RAPH1: variants seen among roughly 807,000 people sequenced by gnomAD.
RAPH1 encodes the protein ras-associated and pleckstrin homology domains-containing protein 1.
Under a neutral mutation model 88.1 loss-of-function variants are expected in RAPH1, and 18 were observed. That is an observed-to-expected ratio of 0.20 (90% confidence interval 0.14 to 0.30). The LOEUF is 0.30. Ranked by LOEUF, RAPH1 falls within the 10% of genes least tolerant of loss-of-function variation. RAPH1 has a pLI of 1.00. For synonymous variants in RAPH1, 587 were observed against 559.0 expected (o/e 1.05, Z -0.71); for missense variants, 1,448 against 1,543.2 (o/e 0.94, Z 1.03).
chr2:203,488,595 A>AAAAAAC (rs1688092098), intron 4 of RAPH1, among the ~76,000 whole-genome samples: 2 of 142,938 alleles, frequency 1.4e-5, no homozygotes, highest in Non-Finnish European at 3.0e-5. Context: ...TATTAAAAAA[A>AAAAAAC]AAAAAAAAAA....
chr2:203,525,494 T>G (rs1690073741), intron 1 of RAPH1, among the ~76,000 whole-genome samples: 1 of 151,828 alleles, frequency 6.6e-6, no homozygotes, highest in Non-Finnish European at 1.5e-5. Flanking sequence ...TATTAACATA[T>G]TCATACAATT....
At chr2:203,476,398 T>C (rs1687453280) in intron 4 of RAPH1, among the ~76,000 whole-genome samples, 1 of 152,168 alleles carries the variant, frequency 6.6e-6, no homozygotes, top group African/African-American at 2.4e-5. Context: ...CTTGAACTCC[T>C]GGCCTCAAGT....
chr2:203,446,589 T>C (rs1324968597), intron 12 of RAPH1: 1 of 152,224 alleles, frequency 6.6e-6, no homozygotes, highest in African/African-American at 2.4e-5. Flanking sequence ...CATTTATTTA[T>C]TCAATGATTT....
At chr2:203,527,659 G>C (rs1298075255) in intron 1 of RAPH1, among the ~76,000 whole-genome samples, 2 of 151,908 alleles carry the variant, frequency 1.3e-5, no homozygotes, top group African/African-American at 4.8e-5. Context: ...AATTAGCCGG[G>C]CGTGTTGGCG....
intron 4 of RAPH1, among the ~76,000 whole-genome samples, chr2:203,476,705 C>T (rs1687472405): frequency 6.6e-6 from 1 of 152,148 alleles, no homozygotes; most frequent in African/African-American, 2.4e-5. Flanking sequence ...AGAAACTAGG[C>T]TTTCAGTTAA....
At chr2:203,468,396 C>A (rs1414297508) in intron 4 of RAPH1, among the ~76,000 whole-genome samples, 1 of 152,108 alleles carries the variant, frequency 6.6e-6, no homozygotes, top group Non-Finnish European at 1.5e-5. Flanking sequence ...TTTTCCTTGA[C>A]TTATGTACAT....
At chr2:203,491,893 T>C (rs1688284083) in intron 2 of RAPH1, among the ~76,000 whole-genome samples, 1 of 152,216 alleles carries the variant, frequency 6.6e-6, no homozygotes, top group Non-Finnish European at 1.5e-5. Context: ...ACTGACTTCA[T>C]TTTATATACA....
At chr2:203,469,301 A>C (rs1436086853) in intron 4 of RAPH1, among the ~76,000 whole-genome samples, 1 of 152,206 alleles carries the variant, frequency 6.6e-6, no homozygotes, top group East Asian at 1.9e-4. Context: ...TGATCTTTAA[A>C]TTTCTACCAC....
chr2:203,504,329 T>C (rs928978637), intron 1 of RAPH1, among the ~76,000 whole-genome samples: 19 of 152,252 alleles, frequency 1.2e-4, no homozygotes, highest in African/African-American at 4.6e-4. Context: ...ACCTCAGTTC[T>C]TGACTTCTGT....
At chr2:203,503,907 T>C (rs1688854289) in intron 1 of RAPH1, among the ~76,000 whole-genome samples, 1 of 152,170 alleles carries the variant, frequency 6.6e-6, no homozygotes, top group African/African-American at 2.4e-5. Context: ...AGCCAAATTT[T>C]AAAGCTCCAA....
Position 203,506,846 on chromosome 2 carries a change from C to CTATATATATATATCTATATATA in RAPH1, c.1-11494_1-11493insTATATATAGATATATATATATA, listed in dbSNP as rs1277788456. 7.5e-5 allele frequency among the ~76,000 whole-genome samples: 5 copies of CTATATATATATATCTATATATA among 66,482 alleles called. 1 individual carries two copies. Among genetic ancestry groups the CTATATATATATATCTATATATA allele is most frequent in the African/African-American group, 3.2e-4 (3 of 9,278 alleles). The allele number at this position is 66,482 out of a possible 152,430, so 43.6% of individuals were successfully genotyped here. On this transcript the variant is annotated intron_variant, in intron 1 of 13. Coordinates refer to ENST00000319170, the MANE Select transcript of RAPH1 (RefSeq NM_213589.3). The stretch of plus-strand genomic sequence containing the variant: ...TATATATATATCTATATCTATATAT[C>CTATATATATATATCTATATATA]TATCTATATCTATATATATATATAT...
intron 2 of RAPH1, among the ~76,000 whole-genome samples, chr2:203,492,233 CAA>C (rs547450219): frequency 1.0e-4 from 14 of 133,488 alleles, no homozygotes; most frequent in Non-Finnish European, 3.2e-5. Flanking sequence ...GACTCAATCT[CAA>C]AAAAAAAAAA....
At chr2:203,478,178 C>T (rs1215885014) in intron 4 of RAPH1, among the ~76,000 whole-genome samples, 4 of 151,772 alleles carry the variant, frequency 2.6e-5, no homozygotes, top group African/African-American at 9.7e-5. Flanking sequence ...GGACTACAGG[C>T]GCCTGCCACC....
chr2:203,464,433 G>A (rs1184102408), intron 4 of RAPH1, among the ~76,000 whole-genome samples: 2 of 152,028 alleles, frequency 1.3e-5, no homozygotes, highest in Non-Finnish European at 2.9e-5. Context: ...CACCATGCCC[G>A]GCTAATTTTG....
chr2:203,474,643 C>T (rs2098535794), intron 4 of RAPH1, among the ~76,000 whole-genome samples: 1 of 152,122 alleles, frequency 6.6e-6, no homozygotes, highest in Non-Finnish European at 1.5e-5. Flanking sequence ...GTTGCCAGTA[C>T]CACAACTGGC....
rs1311476759 is a variant in RAPH1 at position 203,439,353 on chromosome 2, TC to T, written c.*83del. 7.5e-7 allele frequency: 1 copy of T among 1,336,644 alleles called. No homozygotes were observed. Among genetic ancestry groups the T allele is most frequent in the Admixed American group, 1.8e-5 (1 of 55,144 alleles). 82.8% of individuals were successfully genotyped at this position (1,336,644 alleles called of 1,614,324 possible). On this transcript the variant is annotated 3_prime_UTR_variant, in exon 14 of 14. Transcript: ENST00000319170. ...CCTGAATAACATCATACCAGGAGGCTCTGAACACCTGAATTCACAGATGATC... is the reference window on the plus strand; with the variant it reads ...CCTGAATAACATCATACCAGGAGGCTTGAACACCTGAATTCACAGATGATC...
intron 4 of RAPH1, among the ~76,000 whole-genome samples, chr2:203,483,505 A>C (rs1687820552): frequency 6.6e-6 from 1 of 152,222 alleles, no homozygotes; most frequent in Non-Finnish European, 1.5e-5. Flanking sequence ...TGGGAGAAAT[A>C]AGTTTGAAGA....
In RAPH1 at chr2:203,487,680, C is replaced by T. The variant is rs184582675; in HGVS notation, c.732+1904G>A. ...GATTACAGGTGTGAGCCACCACGTC[C>T]GGCCTAGAAATCAGTTTTCAAGTTC... On this transcript the variant is annotated intron_variant, in intron 4 of 13. Transcript: ENST00000319170. 3.5e-3 allele frequency among the ~76,000 whole-genome samples: 533 copies of T among 152,236 alleles called. 2 individuals are homozygous for T. Among genetic ancestry groups the T allele is most frequent in the African/African-American group, 0.013 (521 of 41,528 alleles).
chr2:203,454,679 A>G, intron 9 of RAPH1, 139 bp from the exon 10 acceptor site: 1 of 606,162 alleles, frequency 1.6e-6, no homozygotes, highest in Non-Finnish European at 2.9e-6. Flanking sequence ...ACACGAGACA[A>G]TGAGATGCTC....
Sources: gnomAD v4.1 joint callset for allele counts (sites outside exome capture counted in the v4.1 genomes callset) on GRCh38, gnomAD v4.1.1 for gene constraint, MANE v1.5 for transcripts, NCBI Gene and HGNC (gene_info 2026-07-23, HGNC 2026-07-21) for gene names.